Variants in ARHGAP15 observed in about 807,000 individuals in gnomAD.
ARHGAP15 encodes the protein rho GTPase-activating protein 15.
A neutral mutation model predicts 63.7 loss-of-function variants in ARHGAP15; 51 were observed. The observed-to-expected ratio is 0.80, with a 90% confidence interval of 0.64 to 1.01. The LOEUF is 1.01. Ranked by LOEUF, ARHGAP15 falls within the 50% of genes least tolerant of loss-of-function variation. ARHGAP15 has a pLI of 0.00. For synonymous variants in ARHGAP15, 191 were observed against 193.8 expected, an observed-to-expected ratio of 0.99 and a Z score of 0.12; for missense variants, 560 against 564.6, an observed-to-expected ratio of 0.99 and a Z score of 0.08.
chr2:143,538,659 T>C (rs2105037685), intron 10 of ARHGAP15, among the ~76,000 whole-genome samples: 3 of 152,318 alleles, frequency 2.0e-5, no homozygotes, highest in Non-Finnish European at 4.4e-5. Context: ...TGTCTTTGAT[T>C]CTCTGTTTAT....
At chr2:143,298,821 A>C (rs1682764936) in intron 6 of ARHGAP15, among the ~76,000 whole-genome samples, 1 of 151,144 alleles carries the variant, frequency 6.6e-6, no homozygotes, top group Non-Finnish European at 1.5e-5. Context: ...AGTAATTCAA[A>C]TAATAAGAGC....
At chr2:143,188,901 G>A (rs1037370623) in intron 2 of ARHGAP15, among the ~76,000 whole-genome samples, 2 of 151,916 alleles carry the variant, frequency 1.3e-5, no homozygotes, top group African/African-American at 4.8e-5. Context: ...TGGGATTACA[G>A]GCATGAGCCA....
intron 6 of ARHGAP15, among the ~76,000 whole-genome samples, chr2:143,323,280 T>A (rs1214014967): frequency 1.3e-5 from 2 of 152,222 alleles, no homozygotes; most frequent in Non-Finnish European, 2.9e-5. Flanking sequence ...GTGAACATGC[T>A]TTTTGTTTTG....
At chr2:143,327,246 A>G (rs982977141) in intron 6 of ARHGAP15, among the ~76,000 whole-genome samples, 5 of 152,054 alleles carry the variant, frequency 3.3e-5, no homozygotes, top group African/African-American at 1.2e-4. Flanking sequence ...AACCACTGTG[A>G]GGACACAAAC....
At position 143,435,669 on chromosome 2, in the gene ARHGAP15, C is replaced by T; in HGVS notation, c.543C>T (p.Phe181=). 1 of 1,599,302 alleles carries T rather than the reference C, an allele frequency of 6.3e-7. No individual in the cohort carries two copies. Among genetic ancestry groups the T allele is most frequent in the Non-Finnish European group, 8.5e-7 (1 of 1,174,978 alleles). Residue 181 remains phenylalanine, a synonymous_variant, in exon 7 of 14, where the codon TTC becomes TTT. Transcript: ENST00000295095. ...TTGACTTCATCATATTGGATTGGTT[C>T]CACGCTATCAAAAATGCAATTGACA... ...SDIDFIILDW[F]HAIKNAIDRL...
intron 12 of ARHGAP15, among the ~76,000 whole-genome samples, chr2:143,657,550 T>A (rs1162451582): frequency 6.6e-6 from 1 of 152,220 alleles, no homozygotes; most frequent in Non-Finnish European, 1.5e-5. Context: ...TGAATCTAAT[T>A]TACATGATAT....
At chr2:143,702,660 A>T (rs552964625) in intron 12 of ARHGAP15, among the ~76,000 whole-genome samples, 5 of 152,270 alleles carry the variant, frequency 3.3e-5, no homozygotes, top group African/African-American at 1.2e-4. Flanking sequence ...TCAGTTTCAG[A>T]CTGAAACTGA....
At chr2:143,400,213 A>T (rs888247857) in intron 6 of ARHGAP15, among the ~76,000 whole-genome samples, 6 of 152,002 alleles carry the variant, frequency 3.9e-5, no homozygotes, top group Non-Finnish European at 7.4e-5. Context: ...GTTACAATAG[A>T]AATTTGGGTG....
chr2:143,548,875 T>C (rs921136402), intron 10 of ARHGAP15, among the ~76,000 whole-genome samples: 2 of 151,574 alleles, frequency 1.3e-5, no homozygotes, highest in Admixed American at 6.6e-5. Context: ...GAGATAAAAA[T>C]TGAAAAGAAA....
chr2:143,422,621 A>G (rs1176584471), intron 6 of ARHGAP15, among the ~76,000 whole-genome samples: 1 of 152,144 alleles, frequency 6.6e-6, no homozygotes, highest in Non-Finnish European at 1.5e-5. Context: ...GACATGACTC[A>G]TTTTCAGATA....
intron 2 of ARHGAP15, among the ~76,000 whole-genome samples, chr2:143,164,877 G>A (rs1038335730): frequency 5.3e-5 from 8 of 151,832 alleles, no homozygotes; most frequent in Non-Finnish European, 8.8e-5. Context: ...TGACACAGAC[G>A]TGTTATCAGT....
chr2:143,713,538 C>T (rs1350955641), intron 13 of ARHGAP15, among the ~76,000 whole-genome samples: 1 of 152,174 alleles, frequency 6.6e-6, no homozygotes, highest in Non-Finnish European at 1.5e-5. Flanking sequence ...CCCCCAAAGT[C>T]TTAACTCATT....
chr2:143,147,601 C>A (rs914031699), intron 1 of ARHGAP15, among the ~76,000 whole-genome samples: 1 of 151,966 alleles, frequency 6.6e-6, no homozygotes, highest in Non-Finnish European at 1.5e-5. Context: ...GAAGCAGTTC[C>A]ACTAATCTTA....
intron 11 of ARHGAP15, among the ~76,000 whole-genome samples, chr2:143,582,870 T>G (rs1321652676): frequency 6.6e-6 from 1 of 152,238 alleles, no homozygotes; most frequent in African/African-American, 2.4e-5. Flanking sequence ...AACACCAGAT[T>G]GATAGTTCCT....
At chr2:143,391,554 A>G (rs184084340) in intron 6 of ARHGAP15, among the ~76,000 whole-genome samples, 7 of 152,294 alleles carry the variant, frequency 4.6e-5, no homozygotes, top group Non-Finnish European at 8.8e-5. Context: ...CACTTAACTC[A>G]ATTGATTCCT....
chr2:143,671,874 C>A (rs868478748), intron 12 of ARHGAP15, among the ~76,000 whole-genome samples: 12 of 152,096 alleles, frequency 7.9e-5, no homozygotes, highest in Middle Eastern at 3.2e-3. Context: ...ATATAGGTAG[C>A]TTCATAACAG....
At chr2:143,340,972 A>G (rs1001718714) in intron 6 of ARHGAP15, among the ~76,000 whole-genome samples, 3 of 152,248 alleles carry the variant, frequency 2.0e-5, no homozygotes, top group African/African-American at 4.8e-5. Flanking sequence ...CATTTGGCCA[A>G]CGTAAGACAG....
chr2:143,425,348 TAG>T (rs1251760057), intron 6 of ARHGAP15, among the ~76,000 whole-genome samples: 1 of 151,488 alleles, frequency 6.6e-6, no homozygotes. Context: ...TCTTTATATA[TAG>T]AGAGAAATAG....
chr2:143,287,735 G>A (rs1187904352), intron 6 of ARHGAP15, among the ~76,000 whole-genome samples: 2 of 151,986 alleles, frequency 1.3e-5, no homozygotes, highest in African/African-American at 4.8e-5. Context: ...CCCAGGAGGT[G>A]GAGGTTGCAG....
Sources: allele counts gnomAD v4.1 joint callset (sites outside exome capture counted in the v4.1 genomes callset), GRCh38; gene constraint gnomAD v4.1.1; transcripts MANE v1.5; gene names NCBI Gene and HGNC (gene_info 2026-07-23, HGNC 2026-07-21).